ADAMTSL1: variants seen among roughly 807,000 people sequenced by gnomAD.
ADAMTSL1 encodes ADAMTS like 1, also known as ADAMTS-like protein 1.
ADAMTSL1 carries 126 observed loss-of-function variants against 201.8 expected under a neutral mutation model. The observed-to-expected ratio is 0.62, with a 90% CI of 0.54 to 0.72. The LOEUF (loss-of-function observed/expected upper bound fraction) is 0.72. Ranked by LOEUF, ADAMTSL1 falls within the 30% of genes least tolerant of loss-of-function variation. The pLI, the probability that ADAMTSL1 is intolerant of heterozygous loss-of-function variation, is 0.00. For synonymous variants in ADAMTSL1, 1,121 were observed against 903.4 expected (o/e 1.24, Z -4.32); for missense variants, 2,679 against 2,277.8 (o/e 1.18, Z -3.59).
intron 5 of ADAMTSL1, among the ~76,000 whole-genome samples, chr9:18,625,768 A>C (rs1053067741): frequency 4.6e-5 from 7 of 152,236 alleles, no homozygotes; most frequent in African/African-American, 1.7e-4. Context: ...AGCTTTGCAG[A>C]ACTCTCGTCT....
chr9:18,188,147 G>T (rs958425226), intron 2 of ADAMTSL1, among the ~76,000 whole-genome samples: 4 of 152,150 alleles, frequency 2.6e-5, no homozygotes, highest in Admixed American at 2.6e-4. Flanking sequence ...TAACACAGAT[G>T]ATAAGTAGTT....
intron 15 of ADAMTSL1, among the ~76,000 whole-genome samples, chr9:18,747,308 A>T (rs189728556): frequency 6.6e-6 from 1 of 152,204 alleles, no homozygotes; most frequent in East Asian, 1.9e-4. Context: ...TCACTAGTAA[A>T]TAAGTCAATA....
At chr9:18,641,577 G>T (rs1432449219) in intron 7 of ADAMTSL1, among the ~76,000 whole-genome samples, 1 of 151,894 alleles carries the variant, frequency 6.6e-6, no homozygotes, top group Non-Finnish European at 1.5e-5. Context: ...TTTCTTCAGT[G>T]TTTCTTTAGA....
chr9:18,705,579 C>T (rs1832184650), intron 13 of ADAMTSL1, among the ~76,000 whole-genome samples: 1 of 152,168 alleles, frequency 6.6e-6, no homozygotes, highest in Non-Finnish European at 1.5e-5. Flanking sequence ...GAATGCAAAA[C>T]CTCTCATTTA....
At chr9:18,462,773 T>A (rs1010918516) in intron 2 of ADAMTSL1, among the ~76,000 whole-genome samples, 1 of 151,732 alleles carries the variant, frequency 6.6e-6, no homozygotes, top group African/African-American at 2.4e-5. Context: ...ATCTCATCTC[T>A]ACTAAAAATG....
At position 18,203,596 on chromosome 9, in the gene ADAMTSL1, G is replaced by T. The variant is rs144292266; in HGVS notation, c.207+39615G>T. ...GCTGTCAAGATAATAAAACATAGTT[G>T]ATTATATAGTTTATGTGCATGCATA... On this transcript the variant is annotated intron_variant, in intron 2 of 29. Coordinates refer to the ADAMTSL1 transcript ENST00000680146. 9.9e-4 allele frequency among the ~76,000 whole-genome samples: 151 copies of T among 151,930 alleles called. 1 individual carries two copies. The highest frequency in any genetic ancestry group is 3.4e-3 in the African/African-American group (139 of 41,432).
At chr9:18,526,864 A>C (rs1025576452) in intron 2 of ADAMTSL1, among the ~76,000 whole-genome samples, 2 of 152,106 alleles carry the variant, frequency 1.3e-5, no homozygotes, top group East Asian at 3.9e-4. Context: ...GTTCTAATCT[A>C]TGGTCGCTCT....
Position 18,892,452 on chromosome 9 carries a change from G to C in ADAMTSL1, c.4707G>C (p.Arg1569Ser), listed in dbSNP as rs776733978. 1.2e-6 allele frequency: 2 copies of C among 1,613,504 alleles called. No individual in the cohort carries two copies. Among genetic ancestry groups the C allele is most frequent in the Non-Finnish European group, 1.7e-6 (2 of 1,179,790 alleles). ...RSCGGGVQTRRVTCQKLKASG... is the reference protein window; with the variant it reads ...RSCGGGVQTRSVTCQKLKASG... The stretch of plus-strand genomic sequence containing the variant: ...GTGGGGGAGGTGTCCAGACCCGCAG[G>C]GTGACCTGTCAAAAGCTGAAAGCCT... Residue 1569 changes from arginine (R) to serine (S), a missense_variant, in exon 26 of 29, where the codon AGG (arginine) becomes AGC (serine). Transcript: ENST00000380548.
chr9:18,126,622 C>A (rs1825740048), intron 1 of ADAMTSL1, among the ~76,000 whole-genome samples: 1 of 152,234 alleles, frequency 6.6e-6, no homozygotes, highest in African/African-American at 2.4e-5. Context: ...CCTGCCAAAA[C>A]TACAAATATT....
At chr9:18,638,847 C>T (rs1314130234) in intron 6 of ADAMTSL1, among the ~76,000 whole-genome samples, 1 of 152,082 alleles carries the variant, frequency 6.6e-6, no homozygotes, top group Non-Finnish European at 1.5e-5. Flanking sequence ...CTCAGAGATA[C>T]ACCCTGGATC....
intron 1 of ADAMTSL1, among the ~76,000 whole-genome samples, chr9:18,151,217 C>T (rs1259831478): frequency 6.6e-6 from 1 of 152,006 alleles, no homozygotes; most frequent in Non-Finnish European, 1.5e-5. Flanking sequence ...GACAGTCCTC[C>T]AAAGATGCTA....
intron 1 of ADAMTSL1, among the ~76,000 whole-genome samples, chr9:18,122,582 G>A (rs1483942748): frequency 6.6e-6 from 1 of 152,084 alleles, no homozygotes; most frequent in Non-Finnish European, 1.5e-5. Context: ...TAAGTTTTCT[G>A]TGGTTTTTTT....
intron 20 of ADAMTSL1, chr9:18,796,613 C>G (rs1415207742): frequency 6.6e-6 from 1 of 152,242 alleles, no homozygotes; most frequent in African/African-American, 2.4e-5. Context: ...TGACTTCAGG[C>G]TGATCTGGGA....
intron 3 of ADAMTSL1, among the ~76,000 whole-genome samples, chr9:18,551,546 A>ATT (rs34453171): frequency 2.1e-5 from 3 of 143,846 alleles, no homozygotes; most frequent in Admixed American, 6.9e-5. Context: ...TTACCGCTGA[A>ATT]TTTTTTTTTT....
intron 2 of ADAMTSL1, among the ~76,000 whole-genome samples, chr9:18,523,850 C>T (rs963435601): frequency 2.6e-4 from 35 of 136,308 alleles, no homozygotes; most frequent in Admixed American, 9.7e-4. Context: ...TGTAGCCTTG[C>T]AGTATAGTTT....
At chr9:18,074,340 G>A (rs1490810170) in intron 1 of ADAMTSL1, among the ~76,000 whole-genome samples, 1 of 152,188 alleles carries the variant, frequency 6.6e-6, no homozygotes, top group Non-Finnish European at 1.5e-5. Flanking sequence ...ATAGAATGGA[G>A]ATTCCTGCAA....
At chr9:18,072,076 C>G (rs1470152802) in intron 1 of ADAMTSL1, among the ~76,000 whole-genome samples, 1 of 152,136 alleles carries the variant, frequency 6.6e-6, no homozygotes, top group Non-Finnish European at 1.5e-5. Flanking sequence ...TATGTCCAAG[C>G]TTGCATTTTC....
At chr9:18,885,321 T>C (rs1485787271) in intron 23 of ADAMTSL1, among the ~76,000 whole-genome samples, 1 of 152,230 alleles carries the variant, frequency 6.6e-6, no homozygotes, top group Non-Finnish European at 1.5e-5. Context: ...CCTCATGGCC[T>C]GATCACCTCT....
At chr9:17,938,512 C>T (rs576446733) in intron 1 of ADAMTSL1, among the ~76,000 whole-genome samples, 25 of 152,104 alleles carry the variant, frequency 1.6e-4, no homozygotes, top group African/African-American at 4.6e-4. Context: ...TTCATTGTGT[C>T]AGGTTTGACT....
Sources: gnomAD v4.1 joint callset for allele counts (sites outside exome capture counted in the v4.1 genomes callset) on GRCh38, gnomAD v4.1.1 for gene constraint, MANE v1.5 for transcripts, NCBI Gene and HGNC (gene_info 2026-07-23, HGNC 2026-07-21) for gene names.